The following SH3GL2 variants were observed in gnomAD, a reference collection of about 807,000 sequenced individuals.
The protein encoded by SH3GL2 is endophilin-A1.
A neutral mutation model predicts 46.0 loss-of-function variants in SH3GL2; 24 were observed. That is an observed-to-expected ratio of 0.52 (90% confidence interval 0.38 to 0.73). SH3GL2 has a LOEUF of 0.73. SH3GL2 is among the 30% of genes least tolerant of loss of function. The pLI is 0.00. For missense variants in SH3GL2, 413 were observed against 424.2 expected (o/e 0.97, Z 0.23); for synonymous variants, 196 against 147.1 (o/e 1.33, Z -2.40).
chr9:17,685,357 A>G (rs767828246), intron 1 of SH3GL2, among the ~76,000 whole-genome samples: 1 of 152,044 alleles, frequency 6.6e-6, no homozygotes, highest in Admixed American at 6.6e-5. Flanking sequence ...GGTTGATTGG[A>G]TGAGGTCCCC....
chr9:17,770,534 C>T (rs1397384934), intron 3 of SH3GL2, among the ~76,000 whole-genome samples: 2 of 151,916 alleles, frequency 1.3e-5, no homozygotes, highest in African/African-American at 4.8e-5. Context: ...CTGTGACTTG[C>T]TGCTAACCAA....
At chr9:17,646,882 C>T (rs563658567) in intron 1 of SH3GL2, among the ~76,000 whole-genome samples, 4 of 152,334 alleles carry the variant, frequency 2.6e-5, no homozygotes, top group African/African-American at 4.8e-5. Context: ...GCAGTCTGTC[C>T]GTTATCAGAG....
chr9:17,641,220 A>G (rs901419156), intron 1 of SH3GL2, among the ~76,000 whole-genome samples: 1 of 152,146 alleles, frequency 6.6e-6, no homozygotes, highest in East Asian at 1.9e-4. Flanking sequence ...TTTCCAAGCA[A>G]ACAGTTTTTC....
chr9:17,615,126 C>A (rs562536209), intron 1 of SH3GL2, among the ~76,000 whole-genome samples: 19 of 152,242 alleles, frequency 1.2e-4, no homozygotes, highest in African/African-American at 4.3e-4. Flanking sequence ...CTGGTAGGAC[C>A]CACGGCTGTG....
intron 1 of SH3GL2, among the ~76,000 whole-genome samples, chr9:17,702,709 T>C (rs1459398599): frequency 2.0e-5 from 3 of 152,142 alleles, no homozygotes. Flanking sequence ...TTCCCTAATA[T>C]TCATGATGAT....
chr9:17,697,056 C>CT (rs910311511), intron 1 of SH3GL2, among the ~76,000 whole-genome samples: 1 of 152,118 alleles, frequency 6.6e-6, no homozygotes, highest in Non-Finnish European at 1.5e-5. Context: ...GACATTTCCT[C>CT]TTTAAGAATC....
chr9:17,589,842 G>A (rs1011142380), intron 1 of SH3GL2: 2 of 152,270 alleles, frequency 1.3e-5, no homozygotes, highest in African/African-American at 4.8e-5. Flanking sequence ...CCCGTAACAT[G>A]TGGGCCATTG....
intron 7 of SH3GL2, among the ~76,000 whole-genome samples, 176 bp from the exon 8 acceptor site, chr9:17,793,191 C>T (rs1284377963): frequency 6.6e-6 from 1 of 152,200 alleles, no homozygotes; most frequent in African/African-American, 2.4e-5. Context: ...AAAGGGACAT[C>T]ACCAAAATCT....
intron 1 of SH3GL2, among the ~76,000 whole-genome samples, chr9:17,595,983 T>C (rs1476184132): frequency 6.6e-6 from 1 of 152,222 alleles, no homozygotes; most frequent in Admixed American, 6.5e-5. Context: ...TCTTTGGTAA[T>C]TTGATCTATT....
intron 1 of SH3GL2, among the ~76,000 whole-genome samples, chr9:17,681,650 C>T (rs764626186): frequency 2.0e-5 from 3 of 152,076 alleles, no homozygotes; most frequent in Admixed American, 6.5e-5. Context: ...TGGGAAAAGA[C>T]TTCATGACAA....
At chr9:17,722,703 C>G (rs1459116032) in intron 1 of SH3GL2, among the ~76,000 whole-genome samples, 1 of 151,980 alleles carries the variant, frequency 6.6e-6, no homozygotes, top group Admixed American at 6.6e-5. Flanking sequence ...AGTTTACATA[C>G]CTCTGGATCA....
At chr9:17,611,671 T>C (rs1198804890) in intron 1 of SH3GL2, among the ~76,000 whole-genome samples, 1 of 152,220 alleles carries the variant, frequency 6.6e-6, no homozygotes, top group African/African-American at 2.4e-5. Flanking sequence ...AAGCTTTTAA[T>C]GCCTCTCAGA....
chr9:17,788,258 C>T (rs912605078), intron 5 of SH3GL2, among the ~76,000 whole-genome samples: 3 of 152,204 alleles, frequency 2.0e-5, no homozygotes, highest in South Asian at 2.1e-4. Context: ...TAGTAAGTGA[C>T]AGACTGACCC....
chr9:17,772,976 C>G (rs1168028480), intron 3 of SH3GL2, among the ~76,000 whole-genome samples: 1 of 152,152 alleles, frequency 6.6e-6, no homozygotes, highest in Non-Finnish European at 1.5e-5. Flanking sequence ...TCGAGTTACT[C>G]TACATCCTTG....
chr9:17,597,607 A>T (rs1376190890), intron 1 of SH3GL2, among the ~76,000 whole-genome samples: 1 of 152,104 alleles, frequency 6.6e-6, no homozygotes, highest in East Asian at 1.9e-4. Context: ...ATTCTGTATT[A>T]TGTGCTTGTT....
At chr9:17,761,344 G>A in intron 2 of SH3GL2, 93 bp from the exon 3 acceptor site, 4 of 802,156 alleles carry the variant, frequency 5.0e-6, no homozygotes, top group Non-Finnish European at 6.7e-6. Flanking sequence ...GGGCTCTGTT[G>A]CATACCCCGC....
chr9:17,701,857 G>T (rs534700082), intron 1 of SH3GL2, among the ~76,000 whole-genome samples: 40 of 152,116 alleles, frequency 2.6e-4, no homozygotes, highest in Non-Finnish European at 4.3e-4. Flanking sequence ...AAAAGACTTA[G>T]CATCATAAAG....
chr9:17,581,041 G>C, intron 1 of SH3GL2, among the ~76,000 whole-genome samples: 1 of 152,160 alleles, frequency 6.6e-6, no homozygotes, highest in East Asian at 1.9e-4. Context: ...TCTCTTCAGG[G>C]TTGAGGTGAA....
At chr9:17,779,571 A>G (rs1309869991) in intron 3 of SH3GL2, among the ~76,000 whole-genome samples, 1 of 152,130 alleles carries the variant, frequency 6.6e-6, no homozygotes, top group Non-Finnish European at 1.5e-5. Context: ...ATTAAGGTAA[A>G]TTGTTTGTAT....
Sources: allele counts gnomAD v4.1 joint callset (sites outside exome capture counted in the v4.1 genomes callset), GRCh38; gene constraint gnomAD v4.1.1; transcripts MANE v1.5; gene names NCBI Gene and HGNC (gene_info 2026-07-23, HGNC 2026-07-21).